Variants in MAP2K4 observed in about 807,000 individuals in gnomAD.
MAP2K4 encodes mitogen-activated protein kinase kinase 4.
Under a neutral mutation model 48.5 loss-of-function variants are expected in MAP2K4, and 4 were observed. That is an observed-to-expected ratio of 0.08 (90% CI 0.04 to 0.19). The LOEUF (loss-of-function observed/expected upper bound fraction) is 0.19. Ranked by LOEUF, MAP2K4 falls within the 10% of genes least tolerant of loss-of-function variation. The pLI is 1.00. For missense variants in MAP2K4, 258 were observed against 493.3 expected, an observed-to-expected ratio of 0.52 and a Z score of 4.52; for synonymous variants, 166 against 173.1, an observed-to-expected ratio of 0.96 and a Z score of 0.32.
intron 2 of MAP2K4, among the ~76,000 whole-genome samples, chr17:12,078,576 T>A (rs1971086196): frequency 6.6e-6 from 1 of 152,168 alleles, no homozygotes; most frequent in Non-Finnish European, 1.5e-5. Flanking sequence ...CTGAAGAAAG[T>A]GATATCCCAA....
intron 1 of MAP2K4, among the ~76,000 whole-genome samples, chr17:12,032,966 A>G (rs1158282772): frequency 6.6e-6 from 1 of 152,204 alleles, no homozygotes; most frequent in East Asian, 1.9e-4. Flanking sequence ...CTCCTGAGTA[A>G]CTGGGACTGC....
intron 4 of MAP2K4, among the ~76,000 whole-genome samples, chr17:12,102,412 A>G (rs1330062472): frequency 2.6e-5 from 4 of 152,184 alleles, no homozygotes; most frequent in African/African-American, 9.6e-5. Flanking sequence ...TCAATTTGTT[A>G]AATTACTAAA....
chr17:12,099,381 A>T lies in MAP2K4; in HGVS notation c.513+3687A>T, dbSNP rs140045783. Among the ~76,000 whole-genome samples, 14 of 152,162 alleles carry T rather than the reference A, an allele frequency of 9.2e-5. No individual in the cohort carries two copies. In the East Asian group the frequency reaches 2.7e-3, roughly 29 times the overall value. ...GTGCAGATACCTTTTTGATATAATG[A>T]TTTATTTTTCTTTGGGTAGATACCC... On this transcript the variant is annotated intron_variant, in intron 4 of 10. Transcript: ENST00000353533.
intron 9 of MAP2K4, among the ~76,000 whole-genome samples, chr17:12,135,952 A>G (rs959605335): frequency 6.6e-6 from 1 of 152,200 alleles, no homozygotes; most frequent in African/African-American, 2.4e-5. Context: ...GGAGAGAAGG[A>G]AGAGTCAAAG....
chr17:12,063,802 A>G (rs1280916678), intron 2 of MAP2K4, among the ~76,000 whole-genome samples: 6 of 151,838 alleles, frequency 4.0e-5, no homozygotes, highest in Admixed American at 3.9e-4. Flanking sequence ...GTAAAACTCC[A>G]TCTCTACTAA....
At chr17:12,088,108 A>G (rs1971425462) in intron 3 of MAP2K4, among the ~76,000 whole-genome samples, 1 of 152,208 alleles carries the variant, frequency 6.6e-6, no homozygotes, top group Non-Finnish European at 1.5e-5. Flanking sequence ...TTGTATTACA[A>G]CTGAATTCTG....
rs151062909 is a variant in MAP2K4, at chr17:12,039,415, A to G, written c.116-15474A>G. 4.7e-4 allele frequency among the ~76,000 whole-genome samples: 71 copies of G among 152,314 alleles called. 1 individual carries two copies. The highest frequency in any genetic ancestry group is 1.6e-3 in the African/African-American group (68 of 41,572). Reference sequence around the variant, plus strand: ...TAATAGTAGAAAATTTCAAACATACACAAAAATAGAGTAGTGTAATGAACC... The same window carrying G: ...TAATAGTAGAAAATTTCAAACATACGCAAAAATAGAGTAGTGTAATGAACC... On this transcript the variant is annotated intron_variant, in intron 1 of 10. Coordinates refer to ENST00000353533, the MANE Select transcript of MAP2K4 (RefSeq NM_003010.4).
intron 1 of MAP2K4, among the ~76,000 whole-genome samples, chr17:12,049,881 C>G (rs1970080475): frequency 6.6e-6 from 1 of 152,136 alleles, no homozygotes; most frequent in Non-Finnish European, 1.5e-5. Context: ...TTGTGACAAT[C>G]TACCAAATAA....
chr17:12,067,367 G>A (rs74253536), intron 2 of MAP2K4, among the ~76,000 whole-genome samples: 2,083 of 151,980 alleles, frequency 0.014, 18 homozygotes, highest in East Asian at 0.047. Flanking sequence ...GTGTTTTCTC[G>A]ACCTTGTTAC....
intron 9 of MAP2K4, among the ~76,000 whole-genome samples, chr17:12,131,625 A>C (rs953805339): frequency 2.0e-5 from 3 of 152,102 alleles, no homozygotes; most frequent in Non-Finnish European, 4.4e-5. Flanking sequence ...CATAAATTAA[A>C]AGCACATACA....
intron 6 of MAP2K4, among the ~76,000 whole-genome samples, chr17:12,112,726 A>G (rs1346109387): frequency 1.3e-5 from 2 of 152,226 alleles, no homozygotes; most frequent in African/African-American, 2.4e-5. Flanking sequence ...TTGATTGTCA[A>G]TGAGAAAGGG....
At chr17:12,057,717 C>T (rs779048673) in intron 2 of MAP2K4, among the ~76,000 whole-genome samples, 6 of 151,880 alleles carry the variant, frequency 4.0e-5, no homozygotes, top group South Asian at 2.1e-4. Context: ...AAATGTGTTC[C>T]GTCTCATTGT....
At chr17:12,023,668 T>C (rs1414394261) in intron 1 of MAP2K4, among the ~76,000 whole-genome samples, 1 of 152,174 alleles carries the variant, frequency 6.6e-6, no homozygotes, top group African/African-American at 2.4e-5. Flanking sequence ...TTTTCATGGC[T>C]TCATGTTTAT....
intron 6 of MAP2K4, chr17:12,110,697 C>A: frequency 2.7e-6 from 1 of 364,560 alleles, no homozygotes; most frequent in South Asian, 3.5e-5. Flanking sequence ...TATTCATTTG[C>A]CTGATAGATA....
rs149603013 is a variant in MAP2K4 at position 12,033,697 on chromosome 17, G to A, written c.115+12696G>A. Reference sequence around the variant, plus strand: ...TGCTTTTAATTTTGACACATTCACTGTGATAATTTTTAGCTTTGACTTTTC... The same window carrying A: ...TGCTTTTAATTTTGACACATTCACTATGATAATTTTTAGCTTTGACTTTTC... On this transcript the variant is annotated intron_variant, in intron 1 of 10. Transcript: ENST00000353533. Among the ~76,000 whole-genome samples, 4 of 152,162 alleles carry A rather than the reference G, an allele frequency of 2.6e-5. No homozygotes were observed. In the East Asian group the frequency reaches 7.7e-4, roughly 29 times the overall value.
chr17:12,021,154 C>T (rs79377825), intron 1 of MAP2K4, among the ~76,000 whole-genome samples, 153 bp downstream of exon 1: 33,948 of 151,582 alleles, frequency 0.22, 3,987 homozygotes, highest in Middle Eastern at 0.26. Context: ...CCGCCCCGCT[C>T]CCGGCCGCCT....
intron 9 of MAP2K4, among the ~76,000 whole-genome samples, chr17:12,135,871 A>G (rs1301900390): frequency 6.6e-6 from 1 of 152,138 alleles, no homozygotes; most frequent in Non-Finnish European, 1.5e-5. Context: ...TTAAAATGTA[A>G]AAGAGTTGGT....
intron 3 of MAP2K4, among the ~76,000 whole-genome samples, chr17:12,086,679 C>T (rs1971374297): frequency 6.6e-6 from 1 of 152,124 alleles, no homozygotes; most frequent in African/African-American, 2.4e-5. Context: ...AATGGTTGCT[C>T]TAGGTGAATT....
intron 1 of MAP2K4, among the ~76,000 whole-genome samples, chr17:12,039,131 T>C (rs940927184): frequency 1.3e-5 from 2 of 152,212 alleles, no homozygotes; most frequent in Non-Finnish European, 2.9e-5. Flanking sequence ...AAAACTCTCC[T>C]GGCCTAGACA....
Sources: allele counts gnomAD v4.1 joint callset (sites outside exome capture counted in the v4.1 genomes callset), GRCh38; gene constraint gnomAD v4.1.1; transcripts MANE v1.5; gene names NCBI Gene and HGNC (gene_info 2026-07-23, HGNC 2026-07-21).